PARP1: variants seen among roughly 807,000 people sequenced by gnomAD.
PARP1 encodes poly [ADP-ribose] polymerase 1.
A neutral mutation model predicts 118.7 loss-of-function variants in PARP1; 44 were observed. That is an observed-to-expected ratio of 0.37 (90% CI 0.29 to 0.48). The LOEUF (loss-of-function observed/expected upper bound fraction) is 0.48. PARP1 is among the 20% of genes least tolerant of loss of function. PARP1 has a pLI of 0.99. For synonymous variants in PARP1, 492 were observed against 483.2 expected (o/e 1.02, Z -0.24); for missense variants, 1,100 against 1,272.4 (o/e 0.86, Z 2.06).
chr1:226,388,783 A>C, intron 4 of PARP1, 28 bp from the exon 5 acceptor site: 1 of 1,552,872 alleles, frequency 6.4e-7, no homozygotes, highest in South Asian at 1.1e-5. Flanking sequence ...TATGAGAGAC[A>C]GCCAGAGCCA....
intron 5 of PARP1, 130 bp downstream of exon 5, chr1:226,388,526 T>C (rs1298539023): frequency 5.6e-5 from 40 of 720,128 alleles, no homozygotes; most frequent in Non-Finnish European, 9.9e-5. Context: ...AGCCATGCTA[T>C]TTAATAACTG....
chr1:226,386,030 T>A (rs1178942907), intron 6 of PARP1, among the ~76,000 whole-genome samples: 1 of 152,144 alleles, frequency 6.6e-6, no homozygotes, highest in Non-Finnish European at 1.5e-5. Context: ...TGGGAAACCA[T>A]CATGCCACCC....
At chr1:226,396,299 T>C (rs1214691803) in intron 2 of PARP1, among the ~76,000 whole-genome samples, 2 of 152,026 alleles carry the variant, frequency 1.3e-5, no homozygotes, top group East Asian at 3.9e-4. Flanking sequence ...TGAGCCATGA[T>C]TGCGCCACTG....
intron 14 of PARP1, among the ~76,000 whole-genome samples, chr1:226,371,329 A>G (rs1389168896): frequency 6.6e-6 from 1 of 152,226 alleles, no homozygotes; most frequent in Admixed American, 6.5e-5. Context: ...GGGGGCCGTG[A>G]CTGCGCCTTT....
In PARP1 at chr1:226,377,799, C is replaced by G. The variant is rs146936586; in HGVS notation, c.1746-496G>C. 5.5e-3 allele frequency among the ~76,000 whole-genome samples: 831 copies of G among 152,284 alleles called. 10 individuals are homozygous for G. Among genetic ancestry groups the G allele is most frequent in the African/African-American group, 0.018 (760 of 41,556 alleles). ...GATGCAGGCTGTCATGTTCAAATTC[C>G]ATCTCAATTGAGGGTACACATCACA... On this transcript the variant is annotated intron_variant, in intron 12 of 22. Coordinates refer to ENST00000366794, the MANE Select transcript of PARP1 (RefSeq NM_001618.4).
At chr1:226,390,937 C>G (rs1026192327) in intron 3 of PARP1, among the ~76,000 whole-genome samples, 1 of 151,928 alleles carries the variant, frequency 6.6e-6, no homozygotes, top group Non-Finnish European at 1.5e-5. Context: ...CATAAAAACA[C>G]ATGGTATGGT....
intron 22 of PARP1, 52 bp from the exon 23 acceptor site, chr1:226,361,593 C>T (rs1279513966): frequency 1.6e-6 from 2 of 1,256,486 alleles, no homozygotes; most frequent in Admixed American, 1.7e-5. Context: ...AGGGTATGTA[C>T]ATGTGCCTCA....
intron 14 of PARP1, among the ~76,000 whole-genome samples, chr1:226,371,743 T>C (rs1286906210): frequency 6.6e-6 from 1 of 152,196 alleles, no homozygotes; most frequent in African/African-American, 2.4e-5. Flanking sequence ...CGGCAGAGCA[T>C]GGCCAGAGTG....
intron 2 of PARP1, among the ~76,000 whole-genome samples, chr1:226,400,259 A>AC (rs1440201790): frequency 1.3e-5 from 2 of 152,210 alleles, no homozygotes; most frequent in African/African-American, 4.8e-5. Flanking sequence ...AGACCATGCC[A>AC]CAGCACTCCA....
rs1317162780 is a variant in PARP1, at chr1:226,361,507, T to C, written c.2998A>G (p.Lys1000Glu). The C allele has an allele frequency of 6.2e-7, 1 of 1,613,084 alleles. No individual in the cohort carries two copies. Among genetic ancestry groups the C allele is most frequent in the East Asian group, 2.2e-5 (1 of 44,898 alleles). ...TTGAATTTCAGTTTCAGCAGATACT[T>C]CAGATTTACCTGAGCAATATCATAG... is the stretch of plus-strand genomic sequence containing the variant. The part of the protein sequence containing the change: ...IVYDIAQVNL[K>E]YLLKLKFNFK... The change falls in exon 23 of 23, where the codon AAG (lysine) becomes GAG (glutamate). Residue 1000 changes from lysine to glutamate, a missense_variant. Transcript: ENST00000366794.
chr1:226,401,854 T>G (rs967205057), intron 2 of PARP1: 10 of 727,234 alleles, frequency 1.4e-5, no homozygotes, highest in Admixed American at 6.5e-5. Context: ...TTATAACAAA[T>G]GTACTACTCT....
In PARP1 at chr1:226,380,040, C is replaced by A; in HGVS notation, c.1425G>T (p.Ala475=). 6.2e-7 allele frequency: 1 copy of A among 1,614,184 alleles called. No homozygotes were observed. Among genetic ancestry groups the A allele is most frequent in the South Asian group, 1.1e-5 (1 of 91,062 alleles). ...STKSLQELFL[A]HILSPWGAEV... ...CTGCCCCCCAAGGGGACAAGATGTGCGCTAAGAACAACTCCTGAAGGCTCT... is the reference window on the plus strand; with the variant it reads ...CTGCCCCCCAAGGGGACAAGATGTGAGCTAAGAACAACTCCTGAAGGCTCT... The change falls in exon 10 of 23, where the codon GCG becomes GCT. Residue 475 remains alanine (A), a synonymous_variant. Coordinates refer to ENST00000366794, the MANE Select transcript of PARP1 (RefSeq NM_001618.4).
chr1:226,386,724 A>G (rs967874562), intron 5 of PARP1, among the ~76,000 whole-genome samples: 1 of 152,202 alleles, frequency 6.6e-6, no homozygotes, highest in African/African-American at 2.4e-5. Flanking sequence ...ACCAACCCTC[A>G]GAAATCAATC....
chr1:226,407,872 A>G lies in PARP1; in HGVS notation c.58T>C (p.Ser20Pro). ...ATGCTCTCGCTGCATTTCTTGCAAG[A>G]GGCGCGCCCGCTCTTGGCGTACTCG... The part of the protein sequence containing the change: ...RVEYAKSGRA[S>P]CKKCSESIPK... Residue 20 changes from serine to proline, a missense_variant, in exon 1 of 23, where the codon TCT becomes CCT. Physicochemically the swap from Ser to Pro is moderately conservative, Grantham distance 74 (BLOSUM62 -1). This residue lies in a region of PARP1 where 948 missense variants were observed against 1,031.8 expected (regional missense o/e 0.92). Transcript: ENST00000366794. 3 of 1,610,704 alleles carry G rather than the reference A, an allele frequency of 1.9e-6. No individual in the cohort carries two copies. Among genetic ancestry groups the G allele is most frequent in the Non-Finnish European group, 2.5e-6 (3 of 1,178,528 alleles).
In PARP1 at chr1:226,393,703, G is replaced by GA. The variant is rs200607759; in HGVS notation, c.287-1390dup. The stretch of plus-strand genomic sequence containing the variant: ...CAGAACAGTGGTTACCTGAGTCAGG[G>GA]AAAAAAGACTAGAAAAACTACAAGG... On this transcript the variant is annotated intron_variant, in intron 2 of 22. Coordinates refer to ENST00000366794, the MANE Select transcript of PARP1 (RefSeq NM_001618.4). 4.6e-3 allele frequency among the ~76,000 whole-genome samples: 697 copies of GA among 152,228 alleles called. 27 individuals are homozygous for GA. In the South Asian group the frequency reaches 0.084, roughly 18 times the overall value.
chr1:226,363,307 G>A, intron 20 of PARP1, 147 bp from the exon 21 acceptor site: 2 of 711,712 alleles, frequency 2.8e-6, no homozygotes. Flanking sequence ...TCCCTCCTGA[G>A]TTTCTGGAAC....
chr1:226,396,823 C>T (rs1012218174), intron 2 of PARP1, among the ~76,000 whole-genome samples: 2 of 152,140 alleles, frequency 1.3e-5, no homozygotes, highest in African/African-American at 4.8e-5. Flanking sequence ...ATCCCAGCAA[C>T]CCGGGAGGCA....
At chr1:226,401,009 T>C (rs944496853) in intron 2 of PARP1, among the ~76,000 whole-genome samples, 1 of 152,092 alleles carries the variant, frequency 6.6e-6, no homozygotes, top group African/African-American at 2.4e-5. Context: ...CTTGCTGCCC[T>C]AGGATTACCT....
At chr1:226,384,307 G>T (rs1398451751) in intron 7 of PARP1, among the ~76,000 whole-genome samples, 1 of 152,230 alleles carries the variant, frequency 6.6e-6, no homozygotes, top group Non-Finnish European at 1.5e-5. Flanking sequence ...GCAGAAAAAG[G>T]CTGCAGAAGG....
Sources: allele counts gnomAD v4.1 joint callset (sites outside exome capture counted in the v4.1 genomes callset), GRCh38; gene constraint gnomAD v4.1.1; regional missense constraint gnomAD v4.1.1; transcripts MANE v1.5; gene names NCBI Gene and HGNC (gene_info 2026-07-23, HGNC 2026-07-21).